The following POLR1A variants were observed in gnomAD, a reference collection of about 807,000 sequenced individuals.
POLR1A encodes the protein DNA-directed RNA polymerase I subunit RPA1.
In POLR1A, 84 loss-of-function variants were observed where a neutral mutation model predicts 205.3. The ratio of observed to expected loss-of-function variants is 0.41; its 90% CI spans 0.34 to 0.49. The LOEUF is 0.49. Ranked by LOEUF, POLR1A falls within the 20% of genes least tolerant of loss-of-function variation. The pLI is 0.22. For missense variants in POLR1A, 1,645 were observed against 2,204.5 expected (o/e 0.75, Z 5.08); for synonymous variants, 799 against 863.7 (o/e 0.93, Z 1.31).
chr2:86,070,567 G>A lies in POLR1A; in HGVS notation c.1612-295C>T, dbSNP rs1435988931. 6.6e-6 allele frequency among the ~76,000 whole-genome samples: 1 copy of A among 152,018 alleles called. No individual in the cohort carries two copies. The highest frequency in any genetic ancestry group is 1.5e-5 in the Non-Finnish European group (1 of 68,034). ...CTTCAGAGATGCATAGCCGTCCCAGGTTTCTGGATTACTCTGAAAACTAAT... is the reference window on the plus strand; with the variant it reads ...CTTCAGAGATGCATAGCCGTCCCAGATTTCTGGATTACTCTGAAAACTAAT... On this transcript the variant is annotated intron_variant, in intron 12 of 33. Transcript: ENST00000263857. The surrounding 1 kb of genome is among the most constrained non-coding windows in gnomAD (Gnocchi z 4.4).
At chr2:86,074,751 A>G (rs920050337) in intron 12 of POLR1A, among the ~76,000 whole-genome samples, 2 of 152,194 alleles carry the variant, frequency 1.3e-5, no homozygotes, top group Admixed American at 1.3e-4. Flanking sequence ...CAGAGATTCA[A>G]ATTCAGTAGA....
chr2:86,031,692 T>C (rs1672398330), intron 29 of POLR1A, 57 bp from the exon 30 acceptor site: 3 of 1,562,280 alleles, frequency 1.9e-6, no homozygotes, highest in East Asian at 4.5e-5. Flanking sequence ...CTACCTGGAC[T>C]CTGCCTGTGG....
At chr2:86,045,213 G>A (rs1279790580) in intron 21 of POLR1A, 65 bp downstream of exon 21, 5 of 1,050,374 alleles carry the variant, frequency 4.8e-6, no homozygotes, top group Non-Finnish European at 5.8e-6. Flanking sequence ...CTGATATAAT[G>A]TGAAAGATGA....
chr2:86,072,347 T>C (rs922516297), intron 12 of POLR1A, among the ~76,000 whole-genome samples: 4 of 152,238 alleles, frequency 2.6e-5, no homozygotes, highest in African/African-American at 7.2e-5. Flanking sequence ...GAGGTCTTCT[T>C]GCTTTAGCCT....
At chr2:86,051,409 T>A (rs919793766) in intron 16 of POLR1A, among the ~76,000 whole-genome samples, 6 of 151,966 alleles carry the variant, frequency 3.9e-5, no homozygotes, top group African/African-American at 1.5e-4. Flanking sequence ...ATGATACAAT[T>A]AAAATAGAAT....
intron 29 of POLR1A, 97 bp from the exon 30 acceptor site, chr2:86,031,732 C>A: frequency 1.3e-6 from 2 of 1,503,564 alleles, no homozygotes; most frequent in Non-Finnish European, 1.8e-6. Flanking sequence ...CCTTGGCTGG[C>A]CTGGGCTACC....
intron 12 of POLR1A, among the ~76,000 whole-genome samples, chr2:86,072,223 A>C (rs1313648070): frequency 6.6e-6 from 1 of 152,202 alleles, no homozygotes; most frequent in Non-Finnish European, 1.5e-5. Context: ...AAGGAATTCA[A>C]ACCTTCCCCT....
intron 15 of POLR1A, among the ~76,000 whole-genome samples, chr2:86,053,330 G>A (rs547670995): frequency 6.6e-6 from 1 of 151,872 alleles, no homozygotes; most frequent in East Asian, 1.9e-4. Flanking sequence ...CACCCACGCT[G>A]ACTTGAGGTC....
chr2:86,065,221 A>C, intron 14 of POLR1A, 53 bp downstream of exon 14: 1 of 1,478,832 alleles, frequency 6.8e-7, no homozygotes, highest in Non-Finnish European at 9.3e-7. Context: ...AACCTTTTAC[A>C]TGAGTGGCCT....
chr2:86,066,487 G>T (rs896265835), intron 13 of POLR1A, among the ~76,000 whole-genome samples: 5 of 152,198 alleles, frequency 3.3e-5, no homozygotes, highest in African/African-American at 1.2e-4. Context: ...AGTAAAAATA[G>T]CTATGCTCAC....
chr2:86,067,484 C>CT (rs1386301613), intron 13 of POLR1A, among the ~76,000 whole-genome samples: 1 of 152,132 alleles, frequency 6.6e-6, no homozygotes, highest in Admixed American at 6.5e-5. Context: ...AAAAGTTTAA[C>CT]TGTTTTCATG....
intron 12 of POLR1A, among the ~76,000 whole-genome samples, chr2:86,073,479 A>C (rs893810436): frequency 8.5e-5 from 13 of 152,176 alleles, no homozygotes; most frequent in Middle Eastern, 3.2e-3. Context: ...CGCTGCCTTC[A>C]GTCCCCTCTT....
At chr2:86,099,742 G>A (rs767414407) in intron 2 of POLR1A, among the ~76,000 whole-genome samples, 8 of 152,170 alleles carry the variant, frequency 5.3e-5, no homozygotes, top group Non-Finnish European at 1.2e-4. Context: ...ACGGAATCAG[G>A]CTGTGGCTCT....
At chr2:86,077,753 C>T (rs1244855676) in intron 11 of POLR1A, 106 bp downstream of exon 11, 3 of 1,329,842 alleles carry the variant, frequency 2.3e-6, no homozygotes, top group Non-Finnish European at 3.2e-6. Flanking sequence ...GTCCCCAGTC[C>T]TCTGCGGCAT....
intron 13 of POLR1A, chr2:86,065,835 T>C (rs1673075727): frequency 5.1e-6 from 1 of 197,154 alleles, no homozygotes; most frequent in East Asian, 1.4e-4. Context: ...TTTTTATACT[T>C]TGGTTTTATG....
rs529091792 is a variant in POLR1A, at chr2:86,099,530, AC to A, written c.282+437del. Reference sequence around the variant, plus strand: ...TAAACAGGAGCTTCATTCTGACCTCACTGTTGGGCTTTCTGGGGCTTTGCTT... The same window carrying A: ...TAAACAGGAGCTTCATTCTGACCTCATGTTGGGCTTTCTGGGGCTTTGCTT... On this transcript the variant is annotated intron_variant, in intron 2 of 33. Coordinates refer to ENST00000263857, the MANE Select transcript of POLR1A (RefSeq NM_015425.6). Among the ~76,000 whole-genome samples the A allele has an allele frequency of 2.9e-3, 438 of 152,034 alleles. 2 individuals carry two copies. Among genetic ancestry groups the A allele is most frequent in the African/African-American group, 8.3e-3 (343 of 41,476 alleles).
At chr2:86,094,771 T>G (rs1673675498) in intron 3 of POLR1A, among the ~76,000 whole-genome samples, 1 of 152,182 alleles carries the variant, frequency 6.6e-6, no homozygotes, top group African/African-American at 2.4e-5. Flanking sequence ...TTCGATCAAT[T>G]AAGTACTTAT....
intron 31 of POLR1A, 23 bp downstream of exon 31, chr2:86,030,173 G>A (rs764202080): frequency 6.3e-7 from 1 of 1,599,278 alleles, no homozygotes; most frequent in South Asian, 1.1e-5. Context: ...CTTTGTCCCA[G>A]GCCAGCAGAC....
rs1392293311 is a variant in POLR1A, at chr2:86,088,728, T to C, written c.626+57A>G. 6 of 1,591,164 alleles carry C rather than the reference T, an allele frequency of 3.8e-6. No homozygotes were observed. In the African/African-American group the frequency reaches 4.0e-5, roughly 11 times the overall value. ...AAAAACCCAGTAAGATATTTAATAA[T>C]AGCAATGAGTGACTGCCCAGAGACG... On this transcript the variant is annotated intron_variant, in intron 5 of 33. Transcript: ENST00000263857.
Sources: allele counts gnomAD v4.1 joint callset (sites outside exome capture counted in the v4.1 genomes callset), GRCh38; gene constraint gnomAD v4.1.1; non-coding constraint Gnocchi (gnomAD v3.1); transcripts MANE v1.5; gene names NCBI Gene and HGNC (gene_info 2026-07-23, HGNC 2026-07-21).